CNBD1: variants seen among roughly 807,000 people sequenced by gnomAD.
CNBD1 encodes cyclic nucleotide binding domain containing 1.
Under a neutral mutation model 54.4 loss-of-function variants are expected in CNBD1, and 71 were observed. The observed-to-expected ratio is 1.30, with a 90% CI of 1.08 to 1.59. The LOEUF (loss-of-function observed/expected upper bound fraction) is 1.59. CNBD1 is among the 40% of genes most tolerant of loss of function. The pLI is 0.00. For missense variants in CNBD1, 659 were observed against 518.0 expected, an observed-to-expected ratio of 1.27 and a Z score of -2.64; for synonymous variants, 182 against 170.7, an observed-to-expected ratio of 1.07 and a Z score of -0.51.
intron 4 of CNBD1, among the ~76,000 whole-genome samples, chr8:86,965,309 G>A (rs1808043248): frequency 6.6e-6 from 1 of 152,142 alleles, no homozygotes; most frequent in East Asian, 1.9e-4. Flanking sequence ...TAGTCCAGGG[G>A]CCTTTGGATA....
chr8:87,347,067 G>T (rs923007472), intron 8 of CNBD1, among the ~76,000 whole-genome samples: 3 of 152,266 alleles, frequency 2.0e-5, no homozygotes, highest in Admixed American at 6.5e-5. Context: ...GCTTATGTAG[G>T]AGGATTTCCA....
chr8:87,362,645 G>A (rs1448678390), intron 10 of CNBD1, among the ~76,000 whole-genome samples: 3 of 151,930 alleles, frequency 2.0e-5, no homozygotes, highest in Non-Finnish European at 2.9e-5. Flanking sequence ...CTACTCCATG[G>A]CAAGTCATGG....
At chr8:86,990,488 A>G (rs1008236466) in intron 4 of CNBD1, among the ~76,000 whole-genome samples, 3 of 152,166 alleles carry the variant, frequency 2.0e-5, no homozygotes, top group African/African-American at 7.2e-5. Context: ...TTTATAAAAA[A>G]TGAGTTCAGT....
chr8:87,304,103 A>G (rs923460379), intron 8 of CNBD1, among the ~76,000 whole-genome samples: 51 of 152,222 alleles, frequency 3.4e-4, no homozygotes, highest in African/African-American at 1.1e-3. Flanking sequence ...CTAGAACTAG[A>G]AATACCATTT....
At chr8:87,267,187 T>C (rs558105592) in intron 6 of CNBD1, among the ~76,000 whole-genome samples, 1 of 152,292 alleles carries the variant, frequency 6.6e-6, no homozygotes, top group African/African-American at 2.4e-5. Context: ...TTACAAAATA[T>C]ATAAATTGGT....
At chr8:87,035,932 C>T (rs1018794994) in intron 4 of CNBD1, among the ~76,000 whole-genome samples, 1 of 152,116 alleles carries the variant, frequency 6.6e-6, no homozygotes, top group Admixed American at 6.5e-5. Flanking sequence ...ATGAAGAATT[C>T]CCTGGCTGCC....
At chr8:87,012,621 A>T (rs1329337005) in intron 4 of CNBD1, among the ~76,000 whole-genome samples, 3 of 152,140 alleles carry the variant, frequency 2.0e-5, no homozygotes, top group African/African-American at 7.2e-5. Flanking sequence ...CCTATAAAAA[A>T]CAATTTACAA....
At chr8:87,211,437 T>C (rs1019051456) in intron 5 of CNBD1, among the ~76,000 whole-genome samples, 1 of 152,106 alleles carries the variant, frequency 6.6e-6, no homozygotes. Flanking sequence ...GGCAGAATGA[T>C]ATAATTTGGA....
At chr8:87,291,676 G>T (rs1038590684) in intron 8 of CNBD1, among the ~76,000 whole-genome samples, 1 of 151,956 alleles carries the variant, frequency 6.6e-6, no homozygotes, top group Admixed American at 6.6e-5. Context: ...AGGGGACAAG[G>T]TCTCATTATA....
intron 4 of CNBD1, among the ~76,000 whole-genome samples, chr8:87,080,738 T>G (rs1271456468): frequency 6.6e-6 from 1 of 152,214 alleles, no homozygotes; most frequent in Non-Finnish European, 1.5e-5. Context: ...TTTATCTTAA[T>G]AGATATTGGA....
intron 2 of CNBD1, among the ~76,000 whole-genome samples, chr8:87,388,573 G>A (rs1273930229): frequency 1.3e-5 from 2 of 152,102 alleles, no homozygotes; most frequent in Non-Finnish European, 2.9e-5. Context: ...TCTCTGAGTA[G>A]ACCAATAACA....
chr8:87,366,603 T>G (rs1398564251), intron 10 of CNBD1, among the ~76,000 whole-genome samples: 1 of 152,100 alleles, frequency 6.6e-6, no homozygotes, highest in African/African-American at 2.4e-5. Flanking sequence ...CAAAAATCCC[T>G]GTACTGTGTA....
intron 2 of CNBD1, among the ~76,000 whole-genome samples, chr8:87,422,137 G>C (rs955923262): frequency 1.3e-4 from 19 of 146,462 alleles, no homozygotes; most frequent in Middle Eastern, 3.2e-3. Flanking sequence ...TTTTTTTCTT[G>C]TAAATTTGTT....
chr8:87,266,350 T>C (rs1032525344), intron 6 of CNBD1, among the ~76,000 whole-genome samples: 3 of 146,650 alleles, frequency 2.0e-5, no homozygotes, highest in Non-Finnish European at 1.5e-5. Context: ...GCTATAATAA[T>C]TAATACTGGG....
chr8:87,170,849 T>C (rs1345614481), intron 4 of CNBD1, among the ~76,000 whole-genome samples: 1 of 152,178 alleles, frequency 6.6e-6, no homozygotes, highest in Non-Finnish European at 1.5e-5. Flanking sequence ...CATTCTTGCA[T>C]CCCTGGATAA....
At chr8:86,907,394 G>A (rs1420565225) in intron 3 of CNBD1, among the ~76,000 whole-genome samples, 5 of 152,058 alleles carry the variant, frequency 3.3e-5, no homozygotes, top group Admixed American at 6.5e-5. Flanking sequence ...GGGGCCGGGC[G>A]TGGTGGCTCA....
chr8:87,002,345 T>C (rs1586191301), intron 4 of CNBD1, among the ~76,000 whole-genome samples: 1 of 152,246 alleles, frequency 6.6e-6, no homozygotes, highest in African/African-American at 2.4e-5. Context: ...GCCAGGGTGG[T>C]TTTTTACAAC....
At chr8:86,876,702 A>T (rs1241364421) in intron 1 of CNBD1, among the ~76,000 whole-genome samples, 2 of 151,792 alleles carry the variant, frequency 1.3e-5, no homozygotes, top group African/African-American at 4.8e-5. Flanking sequence ...ACATATTTTA[A>T]CTATATTCCA....
At chr8:87,336,498 C>T (rs776683205) in intron 8 of CNBD1, among the ~76,000 whole-genome samples, 4 of 151,902 alleles carry the variant, frequency 2.6e-5, no homozygotes, top group Non-Finnish European at 5.9e-5. Flanking sequence ...GCTATTGATC[C>T]TTGTGTATGC....
Sources: gnomAD v4.1 joint callset for allele counts (sites outside exome capture counted in the v4.1 genomes callset) on GRCh38, gnomAD v4.1.1 for gene constraint, MANE v1.5 for transcripts, NCBI Gene and HGNC (gene_info 2026-07-23, HGNC 2026-07-21) for gene names.